Variants in EYS observed in about 807,000 individuals in gnomAD.
EYS encodes protein eyes shut homolog.
A neutral mutation model predicts 282.1 loss-of-function variants in EYS; 250 were observed. The ratio of observed to expected loss-of-function variants is 0.89; its 90% confidence interval spans 0.80 to 0.98. The LOEUF (loss-of-function observed/expected upper bound fraction) is 0.98, where lower values mean the gene tolerates loss of function less well. EYS is among the 50% of genes least tolerant of loss of function. EYS has a pLI of 0.00. For missense variants in EYS, 4,016 were observed against 3,709.0 expected (o/e 1.08, Z -2.15); for synonymous variants, 1,355 against 1,282.9 (o/e 1.06, Z -1.20).
intron 26 of EYS, among the ~76,000 whole-genome samples, chr6:64,537,342 A>AT: frequency 6.6e-6 from 1 of 151,474 alleles, no homozygotes; most frequent in Admixed American, 6.6e-5. Flanking sequence ...TGAACTCATC[A>AT]TTTTTTATGG....
At chr6:65,644,416 T>C (rs998676168) in intron 1 of EYS, among the ~76,000 whole-genome samples, 1 of 152,234 alleles carries the variant, frequency 6.6e-6, no homozygotes, top group Non-Finnish European at 1.5e-5. Flanking sequence ...TTTGGGACTA[T>C]GTTAAGCATT....
chr6:64,303,617 C>T lies in EYS; in HGVS notation c.6191+3353G>A, dbSNP rs961863049. On this transcript the variant is annotated intron_variant, in intron 30 of 42. Coordinates refer to ENST00000503581, the MANE Select transcript of EYS (RefSeq NM_001142800.2). ...CAGCACTTTGGGAGGCCGAGACGGG[C>T]GGATCACGAGGTCAGGAGATCGAGA... Among the ~76,000 whole-genome samples the T allele has an allele frequency of 1.3e-4, 20 of 151,774 alleles. No homozygotes were observed. The South Asian group carries it at 1.5e-3, about 11-fold the overall frequency.
At chr6:64,610,214 G>A (rs1396767784) in intron 24 of EYS, among the ~76,000 whole-genome samples, 2 of 151,766 alleles carry the variant, frequency 1.3e-5, no homozygotes, top group Admixed American at 6.6e-5. Flanking sequence ...TTACTTTTTT[G>A]AGTCAATATA....
chr6:64,327,583 T>A (rs1366545687), intron 29 of EYS, among the ~76,000 whole-genome samples: 1 of 151,954 alleles, frequency 6.6e-6, no homozygotes, highest in Non-Finnish European at 1.5e-5. Flanking sequence ...TCAGTTTCCA[T>A]ATATTGACTC....
chr6:65,107,985 G>A (rs9688820), intron 12 of EYS, among the ~76,000 whole-genome samples: 72,843 of 151,792 alleles, frequency 0.48, 18,192 homozygotes, highest in African/African-American at 0.58. Context: ...CCTGTAAGAT[G>A]ATGTTATATT....
At position 63,766,091 on chromosome 6, in the gene EYS, C is replaced by T. The variant is rs1284419750; in HGVS notation, c.7899-3458G>A. Among the ~76,000 whole-genome samples the T allele has an allele frequency of 2.0e-5, 3 of 151,894 alleles. No homozygotes were observed. The East Asian group carries it at 5.8e-4, about 29-fold the overall frequency. ...AGATCTTAGCATATTTTTTTTGCTA[C>T]TAGAAAAGGGGCCAGCAACCTTTTT... On this transcript the variant is annotated intron_variant, in intron 40 of 42. Coordinates refer to ENST00000503581, the MANE Select transcript of EYS (RefSeq NM_001142800.2).
intron 12 of EYS, among the ~76,000 whole-genome samples, chr6:65,257,728 G>C (rs569973493): frequency 5.3e-5 from 8 of 151,882 alleles, no homozygotes; most frequent in African/African-American, 1.9e-4. Flanking sequence ...TTGTTCTTTT[G>C]GCTTAGGACT....
At chr6:64,870,079 C>A (rs1427979830) in intron 19 of EYS, among the ~76,000 whole-genome samples, 1 of 151,522 alleles carries the variant, frequency 6.6e-6, no homozygotes, top group African/African-American at 2.4e-5. Context: ...AGAAAACAAT[C>A]AATCATAGTT....
At chr6:63,816,186 CAT>C (rs1233795839) in intron 36 of EYS, among the ~76,000 whole-genome samples, 1 of 152,074 alleles carries the variant, frequency 6.6e-6, no homozygotes, top group Admixed American at 6.6e-5. Context: ...CAAGGTATAA[CAT>C]ATATTGAGTA....
intron 12 of EYS, among the ~76,000 whole-genome samples, chr6:65,130,756 G>A (rs1775849917): frequency 6.7e-6 from 1 of 148,234 alleles, no homozygotes; most frequent in African/African-American, 2.5e-5. Context: ...TATGACACAA[G>A]CTTACCTGTG....
Position 64,613,113 on chromosome 6 carries a change from C to T in EYS, c.3684+4305G>A, listed in dbSNP as rs189452954. On this transcript the variant is annotated intron_variant, in intron 24 of 42. Coordinates refer to ENST00000503581, the MANE Select transcript of EYS (RefSeq NM_001142800.2). The stretch of plus-strand genomic sequence containing the variant: ...ACACAGATTGCATGTGCTACTGTAT[C>T]AGCTGGTGTAGTTAGAGTACACATG... Among the ~76,000 whole-genome samples, 28 of 152,218 alleles carry T rather than the reference C, an allele frequency of 1.8e-4. No individual in the cohort carries two copies. In the East Asian group the frequency reaches 4.0e-3, roughly 22 times the overall value.
intron 32 of EYS, among the ~76,000 whole-genome samples, chr6:64,081,143 A>G (rs1771951532): frequency 6.6e-6 from 1 of 152,142 alleles, no homozygotes; most frequent in Admixed American, 6.6e-5. Flanking sequence ...CATACTGTCC[A>G]AGGGATAATC....
chr6:64,816,772 C>T (rs996006649), intron 21 of EYS, among the ~76,000 whole-genome samples: 9 of 151,968 alleles, frequency 5.9e-5, no homozygotes, highest in South Asian at 4.1e-4. Context: ...AAAAGTAGTG[C>T]TAATTATTTT....
intron 31 of EYS, among the ~76,000 whole-genome samples, chr6:64,105,159 G>T (rs1022738272): frequency 2.0e-5 from 3 of 151,972 alleles, no homozygotes; most frequent in African/African-American, 2.4e-5. Flanking sequence ...CTGCAAGATG[G>T]TGGTTATGGG....
chr6:64,543,270 A>G (rs73767334), intron 26 of EYS, among the ~76,000 whole-genome samples: 1 of 152,176 alleles, frequency 6.6e-6, no homozygotes. Context: ...AGATTAGAAA[A>G]GAATCATGAA....
intron 5 of EYS, among the ~76,000 whole-genome samples, chr6:65,440,335 T>C (rs1768263890): frequency 6.6e-6 from 1 of 151,750 alleles, no homozygotes; most frequent in Non-Finnish European, 1.5e-5. Flanking sequence ...TGAAACTGTC[T>C]TGAAAACTTA....
chr6:65,188,857 G>A (rs1243397299), intron 12 of EYS, among the ~76,000 whole-genome samples: 1 of 149,868 alleles, frequency 6.7e-6, no homozygotes, highest in Non-Finnish European at 1.5e-5. Flanking sequence ...AAAACAAATT[G>A]TTTCTTAGGG....
At chr6:64,528,589 C>T (rs548336372) in intron 26 of EYS, among the ~76,000 whole-genome samples, 1 of 151,896 alleles carries the variant, frequency 6.6e-6, no homozygotes, top group African/African-American at 2.4e-5. Context: ...TCATTCATGT[C>T]AAAAATCTTA....
intron 32 of EYS, among the ~76,000 whole-genome samples, chr6:64,076,419 G>A (rs543029372): frequency 5.9e-5 from 9 of 152,008 alleles, no homozygotes; most frequent in African/African-American, 1.9e-4. Flanking sequence ...CAGATTAAGA[G>A]GTTAATATGG....
Sources: allele counts gnomAD v4.1 joint callset (sites outside exome capture counted in the v4.1 genomes callset), GRCh38; gene constraint gnomAD v4.1.1; transcripts MANE v1.5; gene names NCBI Gene and HGNC (gene_info 2026-07-23, HGNC 2026-07-21).